ACVR1: variants seen among roughly 807,000 people sequenced by gnomAD.
ACVR1 encodes activin receptor type-1.
Under a neutral mutation model 57.1 loss-of-function variants are expected in ACVR1, and 38 were observed. The ratio of observed to expected loss-of-function variants is 0.67; its 90% confidence interval spans 0.51 to 0.87. The LOEUF (loss-of-function observed/expected upper bound fraction) is 0.87. ACVR1 is among the 40% of genes least tolerant of loss of function. The pLI, the probability that ACVR1 is intolerant of heterozygous loss-of-function variation, is 0.00. For missense variants in ACVR1, 463 were observed against 638.2 expected, an observed-to-expected ratio of 0.73 and a Z score of 2.96; for synonymous variants, 212 against 228.1, an observed-to-expected ratio of 0.93 and a Z score of 0.63.
chr2:157,813,912 T>A (rs1687842771), intron 2 of ACVR1, among the ~76,000 whole-genome samples: 1 of 152,188 alleles, frequency 6.6e-6, no homozygotes, highest in South Asian at 2.1e-4. Context: ...CCACATGACA[T>A]TAGAATGAAC....
intron 1 of ACVR1, among the ~76,000 whole-genome samples, chr2:157,830,922 T>C (rs1688560078): frequency 6.6e-6 from 1 of 152,142 alleles, no homozygotes; most frequent in South Asian, 2.1e-4. Flanking sequence ...ACCATGACAA[T>C]GTTACATTTG....
intron 2 of ACVR1, among the ~76,000 whole-genome samples, chr2:157,800,977 C>T (rs1383354496): frequency 1.3e-5 from 2 of 152,086 alleles, no homozygotes; most frequent in Non-Finnish European, 2.9e-5. Context: ...ACCTCTCCCT[C>T]AGCAGTGATA....
chr2:157,743,435 A>AT (rs942003383), intron 9 of ACVR1, among the ~76,000 whole-genome samples: 21 of 151,804 alleles, frequency 1.4e-4, no homozygotes, highest in Non-Finnish European at 2.2e-4. Context: ...TATTCTGGGG[A>AT]TTTTTTGCCC....
At chr2:157,782,367 A>G (rs1380500406) in intron 3 of ACVR1, among the ~76,000 whole-genome samples, 1 of 152,228 alleles carries the variant, frequency 6.6e-6, no homozygotes, top group Non-Finnish European at 1.5e-5. Context: ...AGCCGCTGAC[A>G]GTCTATGTAT....
chr2:157,749,990 G>A (rs1350486952), intron 9 of ACVR1, among the ~76,000 whole-genome samples: 1 of 152,182 alleles, frequency 6.6e-6, no homozygotes, highest in Non-Finnish European at 1.5e-5. Flanking sequence ...GCCACCACTG[G>A]TGTGTGTGTA....
At chr2:157,856,030 AC>A (rs1689520494) in intron 1 of ACVR1, among the ~76,000 whole-genome samples, 1 of 151,218 alleles carries the variant, frequency 6.6e-6, no homozygotes, top group South Asian at 2.1e-4. Flanking sequence ...AACCTACGAC[AC>A]CCCAAAAACT....
At chr2:157,767,972 G>A (rs183864603) in intron 7 of ACVR1, among the ~76,000 whole-genome samples, 11 of 152,234 alleles carry the variant, frequency 7.2e-5, no homozygotes, top group South Asian at 2.1e-4. Context: ...TAAGTAGATC[G>A]CATAATTGAT....
At chr2:157,771,336 G>GTT (rs1290589237) in intron 6 of ACVR1, among the ~76,000 whole-genome samples, 2 of 152,188 alleles carry the variant, frequency 1.3e-5, no homozygotes, top group Non-Finnish European at 2.9e-5. Context: ...GATCTAATCT[G>GTT]TTTGGTGCAT....
intron 1 of ACVR1, among the ~76,000 whole-genome samples, chr2:157,870,693 T>C (rs1422366394): frequency 6.6e-6 from 1 of 152,224 alleles, no homozygotes; most frequent in Non-Finnish European, 1.5e-5. Flanking sequence ...TATAAAAAAT[T>C]AGTGAGATAT....
intron 9 of ACVR1, among the ~76,000 whole-genome samples, chr2:157,756,733 T>A (rs1007116523): frequency 1.3e-5 from 2 of 152,004 alleles, no homozygotes; most frequent in African/African-American, 4.8e-5. Flanking sequence ...ACAACCACTA[T>A]GGTAAACACT....
At chr2:157,793,524 C>T (rs1234687244) in intron 3 of ACVR1, among the ~76,000 whole-genome samples, 2 of 152,172 alleles carry the variant, frequency 1.3e-5, no homozygotes, top group East Asian at 3.9e-4. Context: ...GAAGCAGTGT[C>T]TTAAAAGTAT....
chr2:157,773,855 T>C (rs1417400862), intron 6 of ACVR1, among the ~76,000 whole-genome samples: 1 of 152,166 alleles, frequency 6.6e-6, no homozygotes, highest in African/African-American at 2.4e-5. Flanking sequence ...CACTTACAAC[T>C]GAAAGCTTTT....
rs529128989 is a variant in ACVR1 at position 157,866,153 on chromosome 2, C to T, written c.-183+9643G>A. Among the ~76,000 whole-genome samples the T allele has an allele frequency of 5.9e-5, 9 of 152,064 alleles. No individual in the cohort carries two copies. In the South Asian group the frequency reaches 8.3e-4, roughly 14 times the overall value. ...GTAATGAAATAAAGCTATCTAGGAACGAAAAACAAAAACACCAATTTGAAT... is the reference window on the plus strand; with the variant it reads ...GTAATGAAATAAAGCTATCTAGGAATGAAAAACAAAAACACCAATTTGAAT... On this transcript the variant is annotated intron_variant, in intron 1 of 10. Transcript: ENST00000434821.
At chr2:157,841,752 G>A (rs749519120) in intron 1 of ACVR1, among the ~76,000 whole-genome samples, 14 of 152,176 alleles carry the variant, frequency 9.2e-5, no homozygotes, top group Admixed American at 3.3e-4. Flanking sequence ...GGCAGGGCAC[G>A]GTGGCTAACA....
At chr2:157,789,871 G>A (rs2105293210) in intron 3 of ACVR1, among the ~76,000 whole-genome samples, 1 of 152,308 alleles carries the variant, frequency 6.6e-6, no homozygotes, top group South Asian at 2.1e-4. Context: ...TATAAACCAT[G>A]GATGGCTACC....
At position 157,777,529 on chromosome 2, in the gene ACVR1, G is replaced by A. The variant is rs181796131; in HGVS notation, c.543+602C>T. On this transcript the variant is annotated intron_variant, in intron 5 of 10. Transcript: ENST00000434821. ...AATCTACTTTTACGAAACTTTTTGGGTTTTTTCATGTGTTTGTTTTTAAGG... is the reference window on the plus strand; with the variant it reads ...AATCTACTTTTACGAAACTTTTTGGATTTTTTCATGTGTTTGTTTTTAAGG... 3.2e-4 allele frequency among the ~76,000 whole-genome samples: 48 copies of A among 152,228 alleles called. 1 individual carries two copies. In the South Asian group the frequency reaches 5.8e-3, roughly 18 times the overall value.
At chr2:157,776,430 C>T (rs1188876347) in intron 5 of ACVR1, among the ~76,000 whole-genome samples, 1 of 151,782 alleles carries the variant, frequency 6.6e-6, no homozygotes, top group Non-Finnish European at 1.5e-5. Context: ...ATTTAATTTT[C>T]CTTAAAGCTT....
chr2:157,834,297 T>C (rs1272727749), intron 1 of ACVR1, among the ~76,000 whole-genome samples: 1 of 152,042 alleles, frequency 6.6e-6, no homozygotes, highest in Non-Finnish European at 1.5e-5. Context: ...TTCACCGTGT[T>C]AGCCAGGATG....
chr2:157,783,030 C>T (rs1039063778), intron 3 of ACVR1, among the ~76,000 whole-genome samples: 2 of 152,084 alleles, frequency 1.3e-5, no homozygotes, highest in Non-Finnish European at 1.5e-5. Flanking sequence ...GCTCGCTGAA[C>T]GTATGGGCTG....
Sources: gnomAD v4.1 joint callset for allele counts (sites outside exome capture counted in the v4.1 genomes callset) on GRCh38, gnomAD v4.1.1 for gene constraint, MANE v1.5 for transcripts, NCBI Gene and HGNC (gene_info 2026-07-23, HGNC 2026-07-21) for gene names.